The following BICDL1 variants were observed in gnomAD, a reference collection of about 807,000 sequenced individuals.
BICDL1 encodes the protein BICD family-like cargo adapter 1.
A neutral mutation model predicts 76.8 loss-of-function variants in BICDL1; 20 were observed. The observed-to-expected ratio is 0.26, with a 90% confidence interval of 0.18 to 0.38. BICDL1 has a LOEUF of 0.38. BICDL1 is among the 10% of genes least tolerant of loss of function. The probability of loss-of-function intolerance (pLI) is 1.00; values close to 1 mark genes in which losing one functional copy is unlikely to be tolerated. For synonymous variants in BICDL1, 383 were observed against 337.1 expected (o/e 1.14, Z -1.49); for missense variants, 700 against 798.6 (o/e 0.88, Z 1.49).
At chr12:120,002,866 C>T (rs959655856) in intron 2 of BICDL1, among the ~76,000 whole-genome samples, 2 of 152,014 alleles carry the variant, frequency 1.3e-5, no homozygotes, top group African/African-American at 4.8e-5. Flanking sequence ...TAGAAAGACT[C>T]GGTAGGGGGC....
chr12:120,082,898 T>A (rs577187929), intron 8 of BICDL1, among the ~76,000 whole-genome samples: 4 of 152,074 alleles, frequency 2.6e-5, no homozygotes, highest in Non-Finnish European at 5.9e-5. Context: ...TTATTTTTTT[T>A]GAGAGAAATT....
intron 2 of BICDL1, chr12:120,057,268 G>C (rs1191070922): frequency 2.7e-6 from 1 of 366,496 alleles, no homozygotes; most frequent in African/African-American, 2.2e-5. Context: ...TTCCACCTTG[G>C]CCTCCCAACG....
intron 8 of BICDL1, among the ~76,000 whole-genome samples, chr12:120,086,384 T>C (rs1221265231): frequency 6.6e-6 from 1 of 152,238 alleles, no homozygotes; most frequent in Non-Finnish European, 1.5e-5. Context: ...ACTTCTTCCA[T>C]ATACGTTATC....
At chr12:120,012,595 T>C (rs768082043) in intron 2 of BICDL1, among the ~76,000 whole-genome samples, 44 of 152,186 alleles carry the variant, frequency 2.9e-4, no homozygotes, top group Non-Finnish European at 6.2e-4. Flanking sequence ...GTAACTATGA[T>C]GTCAGAGATG....
At chr12:120,020,051 G>T (rs1300827859) in intron 2 of BICDL1, among the ~76,000 whole-genome samples, 1 of 152,090 alleles carries the variant, frequency 6.6e-6, no homozygotes, top group African/African-American at 2.4e-5. Context: ...TGTCCTCAAA[G>T]GGCTTAGAAG....
chr12:120,093,971 T>C lies in BICDL1; in HGVS notation c.*810T>C. ...GTCTCCTCCTCCCACAGCTCCCTCC[T>C]CCACCCCTCACATACATACATAATT... On this transcript the variant is annotated 3_prime_UTR_variant, in exon 10 of 10. Transcript: ENST00000548673. 2 of 335,564 alleles carry C rather than the reference T, an allele frequency of 6.0e-6. No homozygotes were observed. The highest frequency in any genetic ancestry group is 1.2e-5 in the Non-Finnish European group (2 of 168,118). The allele number at this position is 335,564 out of a possible 1,614,324, so 20.8% of individuals were successfully genotyped here.
chr12:120,002,123 G>T (rs1296488605), intron 2 of BICDL1, among the ~76,000 whole-genome samples: 1 of 152,062 alleles, frequency 6.6e-6, no homozygotes, highest in Non-Finnish European at 1.5e-5. Context: ...TAGAGAACAT[G>T]TCACCCTCCG....
intron 2 of BICDL1, among the ~76,000 whole-genome samples, chr12:120,006,737 G>A (rs1951857618): frequency 1.3e-5 from 2 of 152,172 alleles, no homozygotes; most frequent in Non-Finnish European, 2.9e-5. Flanking sequence ...GCTTGGAAAG[G>A]GTTAGGAGAT....
chr12:119,990,408 G>T (rs935682857), intron 1 of BICDL1, 111 bp downstream of exon 1: 1 of 1,493,966 alleles, frequency 6.7e-7, no homozygotes, highest in Non-Finnish European at 8.9e-7. Flanking sequence ...ACCCTACCTC[G>T]CAGAAAATCT....
At chr12:120,066,383 C>A (rs1241499015) in intron 4 of BICDL1, among the ~76,000 whole-genome samples, 1 of 152,122 alleles carries the variant, frequency 6.6e-6, no homozygotes, top group Non-Finnish European at 1.5e-5. Context: ...ATGGCCCTTG[C>A]CTAAAAGAAA....
chr12:119,994,272 A>G (rs1951589922), intron 1 of BICDL1, among the ~76,000 whole-genome samples: 1 of 152,162 alleles, frequency 6.6e-6, no homozygotes, highest in African/African-American at 2.4e-5. Flanking sequence ...GGGAGTCACT[A>G]GTGGATTTAG....
intron 7 of BICDL1, among the ~76,000 whole-genome samples, chr12:120,075,820 C>A (rs1480632485): frequency 6.6e-6 from 1 of 152,228 alleles, no homozygotes; most frequent in Non-Finnish European, 1.5e-5. Context: ...CTGTCCTCTT[C>A]TTTCTGTGAG....
chr12:120,016,493 A>G (rs892204511), intron 2 of BICDL1, among the ~76,000 whole-genome samples: 2 of 135,910 alleles, frequency 1.5e-5, no homozygotes, highest in African/African-American at 5.7e-5. Context: ...ATGCTGGAGT[A>G]CAGTGGCGTG....
intron 2 of BICDL1, among the ~76,000 whole-genome samples, chr12:120,003,105 C>T (rs1201460993): frequency 6.6e-6 from 1 of 151,298 alleles, no homozygotes; most frequent in Middle Eastern, 3.4e-3. Context: ...CTGCAGTGAG[C>T]CGAAATTGTG....
At position 119,990,614 on chromosome 12, in the gene BICDL1, A is replaced by G. The variant is rs145205351; in HGVS notation, c.429+317A>G. ...GCACTGAGGTGATGTCTGCATACAG[A>G]GAAATGAGGAAGTCGGGAAGCATTT... On this transcript the variant is annotated intron_variant, in intron 1 of 9. Transcript: ENST00000548673. Among the ~76,000 whole-genome samples, 180 of 152,342 alleles carry G rather than the reference A, an allele frequency of 1.2e-3. 1 individual carries two copies. The highest frequency in any genetic ancestry group is 4.2e-3 in the African/African-American group (175 of 41,574).
At chr12:120,018,770 G>T (rs574005632) in intron 2 of BICDL1, 1 of 152,176 alleles carries the variant, frequency 6.6e-6, no homozygotes, top group Non-Finnish European at 1.5e-5. Context: ...TGTTGGCCAG[G>T]CGCGGTGGCT....
chr12:119,996,465 C>T (rs1951647674), intron 1 of BICDL1, among the ~76,000 whole-genome samples: 1 of 152,136 alleles, frequency 6.6e-6, no homozygotes, highest in South Asian at 2.1e-4. Context: ...TGTAAGCTGT[C>T]CCTTAAGGCT....
intron 2 of BICDL1, among the ~76,000 whole-genome samples, chr12:120,014,272 C>G (rs190717948): frequency 3.3e-5 from 5 of 152,288 alleles, no homozygotes; most frequent in African/African-American, 9.6e-5. Context: ...CAAGTCAACT[C>G]GAAGCCTTGC....
chr12:120,039,201 G>A (rs2138797492), intron 2 of BICDL1, among the ~76,000 whole-genome samples: 1 of 152,116 alleles, frequency 6.6e-6, no homozygotes, highest in Admixed American at 6.6e-5. Flanking sequence ...TGAGGCTAAG[G>A]CAGGAGAATC....
Sources: gnomAD v4.1 joint callset for allele counts (sites outside exome capture counted in the v4.1 genomes callset) on GRCh38, gnomAD v4.1.1 for gene constraint, MANE v1.5 for transcripts, NCBI Gene and HGNC (gene_info 2026-07-23, HGNC 2026-07-21) for gene names.